TUB: variants seen among roughly 807,000 people sequenced by gnomAD.
TUB encodes tubby protein homolog.
TUB carries 33 observed loss-of-function variants against 59.7 expected under a neutral mutation model. That is an observed-to-expected ratio of 0.55 (90% CI 0.42 to 0.74). The LOEUF (loss-of-function observed/expected upper bound fraction) is 0.74. Ranked by LOEUF, TUB falls within the 30% of genes least tolerant of loss-of-function variation. The pLI, the probability that TUB is intolerant of heterozygous loss-of-function variation, is 0.00. For missense variants in TUB, 659 were observed against 672.0 expected (o/e 0.98, Z 0.21); for synonymous variants, 293 against 256.4 (o/e 1.14, Z -1.36).
At position 8,101,811 on chromosome 11, in the gene TUB, A is replaced by C; in HGVS notation, c.*192A>C. 1.1e-6 allele frequency: 1 copy of C among 910,552 alleles called. No homozygotes were observed. Among genetic ancestry groups the C allele is most frequent in the Non-Finnish European group, 1.6e-6 (1 of 630,260 alleles). 56.4% of individuals were successfully genotyped at this position (910,552 alleles called of 1,614,324 possible). A position where few individuals can be genotyped will look rare whatever the true frequency, so the allele number is the denominator to read the frequency against. The stretch of plus-strand genomic sequence containing the variant: ...TGCTACTGAGGCAGGGGAGTAGTGG[A>C]GAGCGGGTGGGTGGGTGTGAAGGGA... On this transcript the variant is annotated 3_prime_UTR_variant, in exon 12 of 12. Coordinates refer to ENST00000299506, the MANE Select transcript of TUB (RefSeq NM_177972.3).
chr11:8,047,452 C>T (rs1942852636), intron 2 of TUB, among the ~76,000 whole-genome samples: 2 of 152,148 alleles, frequency 1.3e-5, no homozygotes, highest in Admixed American at 6.5e-5. Flanking sequence ...CAGTGGAAAG[C>T]CATGCACAGA....
Position 8,094,176 on chromosome 11 carries a change from G to A in TUB, c.384G>A (p.Lys128=). 1 of 1,613,154 alleles carries A rather than the reference G, an allele frequency of 6.2e-7. No homozygotes were observed. The highest frequency in any genetic ancestry group is 1.1e-5 in the South Asian group (1 of 90,938). The change falls in exon 4 of 12, where the codon AAG becomes AAA. Residue 128 remains lysine (K), a synonymous_variant. Transcript: ENST00000299506. ...GQGGAARKEK[K]GKHKGTSGPA... is the part of the protein sequence containing the mutation. Reference sequence around the variant, plus strand: ...GTGGCGCCGCTAGGAAGGAGAAGAAGGGAAAGCACAAAGGTCAGCTCACAT... The same window carrying A: ...GTGGCGCCGCTAGGAAGGAGAAGAAAGGAAAGCACAAAGGTCAGCTCACAT...
chr11:8,068,154 A>G (rs1348466322), intron 2 of TUB: 1 of 152,284 alleles, frequency 6.6e-6, no homozygotes, highest in Admixed American at 6.5e-5. Context: ...GCCTTAGGTT[A>G]CACAGTTAGG....
rs1417438591 is a variant in TUB at position 8,105,693 on chromosome 11, A to G, written c.*4074A>G. The G allele has an allele frequency of 6.7e-6, 1 of 148,400 alleles. No individual in the cohort carries two copies. The highest frequency in any genetic ancestry group is 2.0e-4 in the East Asian group (1 of 5,088). The allele number at this position is 148,400 out of a possible 1,614,324, so 9.2% of individuals were successfully genotyped here. On this transcript the variant is annotated 3_prime_UTR_variant, in exon 12 of 12. Coordinates refer to ENST00000299506, the MANE Select transcript of TUB (RefSeq NM_177972.3). ...AAAATTATTCCTTGCTTTCATCACTACCTTTATAGCTCTCATCACTACCTT... is the reference window on the plus strand; with the variant it reads ...AAAATTATTCCTTGCTTTCATCACTGCCTTTATAGCTCTCATCACTACCTT...
At position 8,100,569 on chromosome 11, in the gene TUB, G is replaced by C; in HGVS notation, c.1183G>C (p.Val395Leu). 6.2e-7 allele frequency: 1 copy of C among 1,614,112 alleles called. No homozygotes were observed. Among genetic ancestry groups the C allele is most frequent in the Non-Finnish European group, 8.5e-7 (1 of 1,180,022 alleles). Residue 395 changes from valine (V) to leucine (L), a missense_variant, in exon 10 of 12, where the codon GTT (valine) becomes CTT (leucine). By Grantham distance (32) the Val-to-Leu change is conservative (BLOSUM62 1). Transcript: ENST00000299506. The part of the protein sequence containing the change: ...MSVIVPGMNM[V>L]HERVSIRPRN... ...CGTGATTGTCCCAGGCATGAACATG[G>C]TTCATGAGAGAGTCTCTATCCGCCC...
chr11:8,086,231 C>A (rs902892504), intron 1 of TUB, among the ~76,000 whole-genome samples: 2 of 152,184 alleles, frequency 1.3e-5, no homozygotes, highest in African/African-American at 4.8e-5. Context: ...CATTAAAAAA[C>A]CATTACTGTC....
intron 2 of TUB, among the ~76,000 whole-genome samples, chr11:8,064,689 G>A (rs1943202997): frequency 6.6e-6 from 1 of 152,210 alleles, no homozygotes; most frequent in Admixed American, 6.5e-5. Flanking sequence ...GGCAGAGACA[G>A]TGAGGGTCAG....
intron 2 of TUB, among the ~76,000 whole-genome samples, chr11:8,072,609 G>C (rs551249723): frequency 6.6e-6 from 1 of 152,326 alleles, no homozygotes; most frequent in African/African-American, 2.4e-5. Context: ...CATCTCCGTG[G>C]TGCTTTGGAC....
At chr11:8,094,890 T>C (rs1943917608) in intron 4 of TUB, among the ~76,000 whole-genome samples, 1 of 152,228 alleles carries the variant, frequency 6.6e-6, no homozygotes, top group Admixed American at 6.5e-5. Context: ...CATAGCTCAG[T>C]AGGCGGGCAG....
At chr11:8,052,711 G>C (rs775350747) in intron 2 of TUB, among the ~76,000 whole-genome samples, 11 of 152,248 alleles carry the variant, frequency 7.2e-5, no homozygotes, top group African/African-American at 2.6e-4. Context: ...TCCTGACCTC[G>C]TGATCCGGCC....
At position 8,102,783 on chromosome 11, in the gene TUB, G is replaced by A. The variant is rs1944360764; in HGVS notation, c.*1164G>A. 6.6e-6 allele frequency: 1 copy of A among 152,192 alleles called. No individual in the cohort carries two copies. Among genetic ancestry groups the A allele is most frequent in the Non-Finnish European group, 1.5e-5 (1 of 68,050 alleles). The allele number at this position is 152,192 out of a possible 1,614,324, so 9.4% of individuals were successfully genotyped here. On this transcript the variant is annotated 3_prime_UTR_variant, in exon 12 of 12. Coordinates refer to ENST00000299506, the MANE Select transcript of TUB (RefSeq NM_177972.3). ...AATCTAGTACAACCTTGTTGCTTTAGGTGAGTCACACTCAGAAAATGGGGC... is the reference window on the plus strand; with the variant it reads ...AATCTAGTACAACCTTGTTGCTTTAAGTGAGTCACACTCAGAAAATGGGGC...
intron 9 of TUB, among the ~76,000 whole-genome samples, chr11:8,099,079 A>G (rs1293736411): frequency 1.3e-5 from 2 of 152,128 alleles, no homozygotes; most frequent in African/African-American, 4.8e-5. Flanking sequence ...ACAGCCGGCC[A>G]TCTGCTTGGG....
chr11:8,101,680 G>A lies in TUB; in HGVS notation c.*61G>A. On this transcript the variant is annotated 3_prime_UTR_variant, in exon 12 of 12. Transcript: ENST00000299506. ...GAGCGGAGCTTGCCTGCCTGCCTGT[G>A]GAGACAGCCCTGCCTATCCTCTGTA... 1.9e-6 allele frequency: 3 copies of A among 1,591,006 alleles called. No individual in the cohort carries two copies. The highest frequency in any genetic ancestry group is 2.6e-6 in the Non-Finnish European group (3 of 1,169,208).
intron 2 of TUB, among the ~76,000 whole-genome samples, chr11:8,049,726 T>C (rs1423537279): frequency 6.6e-6 from 1 of 151,932 alleles, no homozygotes; most frequent in Non-Finnish European, 1.5e-5. Context: ...TTGTAGTAAA[T>C]TTGGAATACA....
In TUB at chr11:8,103,580, C is replaced by G. The variant is rs1944396595; in HGVS notation, c.*1961C>G. ...CTCGGCCGTACATCTCTGTGAGAGA[C>G]CCCCTCCAACGATTAGCTTTTGCAA... On this transcript the variant is annotated 3_prime_UTR_variant, in exon 12 of 12. Transcript: ENST00000299506. 6.6e-6 allele frequency: 1 copy of G among 152,600 alleles called. No individual in the cohort carries two copies. Among genetic ancestry groups the G allele is most frequent in the Non-Finnish European group, 1.5e-5 (1 of 68,042 alleles). 9.5% of individuals were successfully genotyped at this position (152,600 alleles called of 1,614,324 possible). A position where few individuals can be genotyped will look rare whatever the true frequency, so the allele number is the denominator to read the frequency against.
intron 1 of TUB, among the ~76,000 whole-genome samples, chr11:8,026,255 C>G (rs1350585845): frequency 1.3e-5 from 2 of 151,914 alleles, no homozygotes; most frequent in Non-Finnish European, 2.9e-5. Context: ...CTGTGGCTTT[C>G]TTTTCATTTT....
At position 8,104,107 on chromosome 11, in the gene TUB, C is replaced by T. The variant is rs377503302; in HGVS notation, c.*2488C>T. On this transcript the variant is annotated 3_prime_UTR_variant, in exon 12 of 12. Coordinates refer to ENST00000299506, the MANE Select transcript of TUB (RefSeq NM_177972.3). ...CCCTGGGGCCATGGGTGCATGGACT[C>T]GTAAAGCTGCTAGGGCCCCTAGAAA... 4 of 152,268 alleles carry T rather than the reference C, an allele frequency of 2.6e-5. No homozygotes were observed. Among genetic ancestry groups the T allele is most frequent in the African/African-American group, 7.2e-5 (3 of 41,456 alleles). 9.4% of individuals were successfully genotyped at this position (152,268 alleles called of 1,614,324 possible).
In TUB at chr11:8,104,994, T is replaced by C. The variant is rs1481728475; in HGVS notation, c.*3375T>C. On this transcript the variant is annotated 3_prime_UTR_variant, in exon 12 of 12. Coordinates refer to ENST00000299506, the MANE Select transcript of TUB (RefSeq NM_177972.3). ...ATTTACCTCTTAAATAAACTTAGCA[T>C]TTAGAGGTAATTCTAAATTTAACAA... The C allele has an allele frequency of 6.7e-6, 1 of 150,152 alleles. No individual in the cohort carries two copies. Among genetic ancestry groups the C allele is most frequent in the Admixed American group, 6.7e-5 (1 of 15,016 alleles). 9.3% of individuals were successfully genotyped at this position (150,152 alleles called of 1,614,324 possible).
chr11:8,030,070 G>A (rs908062652), intron 1 of TUB, among the ~76,000 whole-genome samples: 2 of 152,122 alleles, frequency 1.3e-5, no homozygotes, highest in Admixed American at 6.5e-5. Flanking sequence ...GGTGTAACTG[G>A]GGCTCAGGGT....
Sources: gnomAD v4.1 joint callset for allele counts (sites outside exome capture counted in the v4.1 genomes callset) on GRCh38, gnomAD v4.1.1 for gene constraint, MANE v1.5 for transcripts, NCBI Gene and HGNC (gene_info 2026-07-23, HGNC 2026-07-21) for gene names.